CYC1: variants seen among roughly 807,000 people sequenced by gnomAD.
The protein encoded by CYC1 is cytochrome c1, heme protein, mitochondrial.
CYC1 carries 10 observed loss-of-function variants against 33.8 expected under a neutral mutation model. The ratio of observed to expected loss-of-function variants is 0.30; its 90% CI spans 0.18 to 0.50. The LOEUF is 0.50. CYC1 is among the 20% of genes least tolerant of loss of function. The pLI, the probability that CYC1 is intolerant of heterozygous loss-of-function variation, is 0.98. For synonymous variants in CYC1, 224 were observed against 181.9 expected (o/e 1.23, Z -1.86); for missense variants, 459 against 437.6 (o/e 1.05, Z -0.44).
intron 6 of CYC1, 35 bp downstream of exon 6, chr8:144,097,169 G>A (rs372487965): frequency 7.4e-6 from 12 of 1,611,404 alleles, no homozygotes; most frequent in African/African-American, 1.3e-5. Context: ...GGGTATCAGA[G>A]AAGGGCTGGG....
chr8:144,095,684 G>A, intron 1 of CYC1, 149 bp from the exon 2 acceptor site: 1 of 779,476 alleles, frequency 1.3e-6, no homozygotes, highest in Non-Finnish European at 2.1e-6. Flanking sequence ...GTCAGCGGCG[G>A]AGAGGGATGG....
rs1212531890 is a variant in CYC1 at position 144,097,213 on chromosome 8, G to A, written c.874-19G>A. The A allele has an allele frequency of 5.6e-6, 9 of 1,613,590 alleles. No individual in the cohort carries two copies. The Admixed American group carries it at 1.5e-4, about 27-fold the overall frequency. ...AGGGCTCCTCCCCACTCCCTTCTCT[G>A]AGCCTTCCTTGTCTGCAGATGTTGA... On this transcript the variant is annotated intron_variant, in intron 6 of 6. Coordinates refer to ENST00000318911, the MANE Select transcript of CYC1 (RefSeq NM_001916.5).
Position 144,097,368 on chromosome 8 carries a change from G to C in CYC1, c.*32G>C, listed in dbSNP as rs752213922. 1.9e-6 allele frequency: 3 copies of C among 1,587,928 alleles called. No homozygotes were observed. The highest frequency in any genetic ancestry group is 2.2e-5 in the South Asian group (2 of 90,344). On this transcript the variant is annotated 3_prime_UTR_variant, in exon 7 of 7. Transcript: ENST00000318911. ...CCAGTGTCTGCTTGCCATCCTGCCA[G>C]AACAGGCCCTCAAGCCCAAGAGCCA... is the stretch of plus-strand genomic sequence containing the variant.
chr8:144,096,389 G>A lies in CYC1; in HGVS notation c.506G>A (p.Gly169Glu), dbSNP rs1274817641. ...NEDGEMFMRP[G>E]KLFDYFPKPY... ...GATGGGGAGATGTTCATGCGGCCAGGGAAGCTGTTCGACTATTTCCCAAAA... is the reference window on the plus strand; with the variant it reads ...GATGGGGAGATGTTCATGCGGCCAGAGAAGCTGTTCGACTATTTCCCAAAA... Residue 169 changes from glycine to glutamate, a missense_variant, in exon 4 of 7, where the codon GGG (glycine) becomes GAG (glutamate). By Grantham distance (98) the Gly-to-Glu change is moderately conservative. Coordinates refer to ENST00000318911, the MANE Select transcript of CYC1 (RefSeq NM_001916.5). 6.2e-7 allele frequency: 1 copy of A among 1,614,100 alleles called. No homozygotes were observed. Among genetic ancestry groups the A allele is most frequent in the Non-Finnish European group, 8.5e-7 (1 of 1,180,020 alleles).
Position 144,095,162 on chromosome 8 carries a change from G to A in CYC1, c.63G>A (p.Pro21=), listed in dbSNP as rs11541472. The change falls in exon 1 of 7, where the codon CCG becomes CCA. Residue 21 remains proline (P), a synonymous_variant. Transcript: ENST00000318911. ...TGGGCCCGCGGGGCGCGGGGCTCCC[G>A]GGCGCGCGTGCCCGGGGTCTGCTGT... is the stretch of plus-strand genomic sequence containing the variant. ...VVLGPRGAGL[P]GARARGLLCS... is the part of the protein sequence containing the mutation. 3 of 1,209,038 alleles carry A rather than the reference G, an allele frequency of 2.5e-6. No homozygotes were observed. The highest frequency in any genetic ancestry group is 4.4e-5 in the Admixed American group (1 of 22,784). The allele number at this position is 1,209,038 out of a possible 1,614,324, so 74.9% of individuals were successfully genotyped here.
chr8:144,095,722 T>TC, intron 1 of CYC1, 111 bp from the exon 2 acceptor site: 1 of 1,141,384 alleles, frequency 8.8e-7, no homozygotes, highest in Admixed American at 2.1e-5. Flanking sequence ...GGTGTGCGTC[T>TC]GGTGCCCTGC....
chr8:144,095,741 G>T, intron 1 of CYC1, 92 bp from the exon 2 acceptor site: 1 of 1,353,656 alleles, frequency 7.4e-7, no homozygotes, highest in Non-Finnish European at 1.0e-6. Flanking sequence ...GCAGGAGGAG[G>T]CCATTGCTGG....
Position 144,096,605 on chromosome 8 carries a change from C to G in CYC1, c.633C>G (p.Val211=), listed in dbSNP as rs778024412. 5.0e-6 allele frequency: 8 copies of G among 1,614,062 alleles called. No individual in the cohort carries two copies. The South Asian group carries it at 5.5e-5, about 11-fold the overall frequency. Residue 211 remains valine (V), a synonymous_variant, in exon 5 of 7, where the codon GTC becomes GTG. Transcript: ENST00000318911. The stretch of plus-strand genomic sequence containing the variant: ...CTAGGCATGGTGGTGAGGACTACGT[C>G]TTCTCCCTGCTCACGGGCTACTGCG... The part of the protein sequence containing the change: ...VRARHGGEDY[V]FSLLTGYCEP...
At position 144,096,002 on chromosome 8, in the gene CYC1, GCCT is replaced by G. The variant is rs754110346; in HGVS notation, c.304_306del (p.Leu102del). ...CCCAGCTATCCGTGGTCTCACCGTG[GCCT>G]CCTCTCTTCCTTGGACCACACCAGG... On this transcript the variant is annotated inframe_deletion, in exon 2 of 7. Transcript: ENST00000318911. 209 of 1,605,516 alleles carry G rather than the reference GCCT, an allele frequency of 1.3e-4. No homozygotes were observed. The highest frequency in any genetic ancestry group is 1.6e-4 in the Non-Finnish European group (194 of 1,178,890).
At chr8:144,095,533 C>T in intron 1 of CYC1, 1 of 472,248 alleles carries the variant, frequency 2.1e-6, no homozygotes, top group South Asian at 3.7e-5. Flanking sequence ...CAAACTGGGC[C>T]CGCGTCCTGA....
At position 144,096,356 on chromosome 8, in the gene CYC1, C is replaced by G; in HGVS notation, c.473C>G (p.Pro158Arg). Residue 158 changes from proline to arginine, a missense_variant, in exon 4 of 7, where the codon CCC (proline) becomes CGC (arginine). Pro to Arg is a moderately radical substitution (Grantham distance 103). Coordinates refer to ENST00000318911, the MANE Select transcript of CYC1 (RefSeq NM_001916.5). The stretch of plus-strand genomic sequence containing the variant: ...TGGCAGGTGGAGGTTCAAGACGGCC[C>G]CAATGAAGATGGGGAGATGTTCATG... ...LAAEVEVQDG[P>R]NEDGEMFMRP... is the part of the protein sequence containing the mutation. 6.2e-7 allele frequency: 1 copy of G among 1,613,870 alleles called. No individual in the cohort carries two copies. The highest frequency in any genetic ancestry group is 8.5e-7 in the Non-Finnish European group (1 of 1,179,960).
In CYC1 at chr8:144,095,928, C is replaced by T. The variant is rs751871692; in HGVS notation, c.225C>T (p.Ala75=). 5.0e-6 allele frequency: 8 copies of T among 1,609,092 alleles called. No individual in the cohort carries two copies. The highest frequency in any genetic ancestry group is 1.6e-4 in the Middle Eastern group (1 of 6,074). The change falls in exon 2 of 7, where the codon GCC becomes GCT. Residue 75 remains alanine, a synonymous_variant. Transcript: ENST00000318911. ...GMLAAGGAGL[A]MALHSAVSAS... is the part of the protein sequence containing the mutation. ...TGGCGGCAGGGGGTGCGGGGCTGGC[C>T]ATGGCTCTGCATTCGGCTGTGAGTG...
In CYC1 at chr8:144,096,199, C is replaced by T. The variant is rs766624873; in HGVS notation, c.402C>T (p.His134=). The change falls in exon 3 of 7, where the codon CAC becomes CAT. Residue 134 remains histidine, a synonymous_variant. Transcript: ENST00000318911. The part of the protein sequence containing the change: ...CHSMDFVAYR[H]LVGVCYTEDE... Reference sequence around the variant, plus strand: ...GCATGGACTTCGTGGCCTACCGCCACCTGGTGGGCGTGTGCTACACGGAGG... The same window carrying T: ...GCATGGACTTCGTGGCCTACCGCCATCTGGTGGGCGTGTGCTACACGGAGG... 8.7e-6 allele frequency: 14 copies of T among 1,613,996 alleles called. No individual in the cohort carries two copies. In the Admixed American group the frequency reaches 1.3e-4, roughly 15 times the overall value.
At chr8:144,096,823 G>C in intron 5 of CYC1, 79 bp downstream of exon 5, 1 of 1,489,398 alleles carries the variant, frequency 6.7e-7, no homozygotes, top group Non-Finnish European at 9.2e-7. Context: ...TGTGTTCCTG[G>C]GTCCAGGAGG....
chr8:144,095,784 AGGTAGGGCTGGGT>A (rs764034811), intron 1 of CYC1, 36 bp from the exon 2 acceptor site: 1 of 1,580,640 alleles, frequency 6.3e-7, no homozygotes, highest in East Asian at 2.2e-5. Context: ...TCAGATCCCC[AGGTAGGGCTGGGT>A]GGTGTCCTGG....
chr8:144,096,076 C>T (rs1836145904), intron 2 of CYC1, 47 bp downstream of exon 2: 2 of 1,603,728 alleles, frequency 1.2e-6, no homozygotes, highest in East Asian at 4.5e-5. Context: ...CTGGGTGGAG[C>T]TGGTAAGGTG....
At position 144,097,421 on chromosome 8, in the gene CYC1, G is replaced by A. The variant is rs1394318596; in HGVS notation, c.*85G>A. The A allele has an allele frequency of 8.7e-7, 1 of 1,146,996 alleles. No individual in the cohort carries two copies. Among genetic ancestry groups the A allele is most frequent in the Non-Finnish European group, 1.3e-6 (1 of 784,716 alleles). 71.1% of individuals were successfully genotyped at this position (1,146,996 alleles called of 1,614,324 possible). On this transcript the variant is annotated 3_prime_UTR_variant, in exon 7 of 7. Transcript: ENST00000318911. ...CCAGGCCTGTTCAGGCCTCAGCTAA[G>A]CCTCTCTTCATCTGGAAGAAGAGGC...
Position 144,097,028 on chromosome 8 carries a change from G to C in CYC1, c.773-6G>C. On this transcript the variant is annotated splice_polypyrimidine_tract_variant and splice_region_variant and intron_variant, in intron 5 of 6. Coordinates refer to ENST00000318911, the MANE Select transcript of CYC1 (RefSeq NM_001916.5). ...AGAATAGCCCTCACTGCTTGTCGTT[G>C]GCCAGGCACCCCAGCTACCATGTCC... The C allele has an allele frequency of 6.2e-7, 1 of 1,600,098 alleles. No individual in the cohort carries two copies. The highest frequency in any genetic ancestry group is 8.5e-7 in the Non-Finnish European group (1 of 1,171,986).
At chr8:144,095,692 T>G in intron 1 of CYC1, 141 bp from the exon 2 acceptor site, 3 of 806,522 alleles carry the variant, frequency 3.7e-6, no homozygotes, top group Non-Finnish European at 6.0e-6. Context: ...CGGAGAGGGA[T>G]GGGGTGGGTA....
Sources: allele counts gnomAD v4.1 joint callset, GRCh38; gene constraint gnomAD v4.1.1; transcripts MANE v1.5; gene names NCBI Gene and HGNC (gene_info 2026-07-23, HGNC 2026-07-21).